Variants in GPR158 observed in about 807,000 individuals in gnomAD.
GPR158 encodes the protein metabotropic glycine receptor.
A neutral mutation model predicts 78.2 loss-of-function variants in GPR158; 30 were observed. That is an observed-to-expected ratio of 0.38 (90% CI 0.29 to 0.52). The LOEUF is 0.52. Among genes scored for constraint, GPR158 ranks in the 20% least tolerant of loss-of-function variants. The probability of loss-of-function intolerance (pLI) is 0.83; values close to 1 mark genes in which losing one functional copy is unlikely to be tolerated. For synonymous variants in GPR158, 581 were observed against 591.1 expected (o/e 0.98, Z 0.25); for missense variants, 1,463 against 1,523.5 (o/e 0.96, Z 0.66).
At chr10:25,516,181 T>A (rs1013860630) in intron 5 of GPR158, among the ~76,000 whole-genome samples, 3 of 152,006 alleles carry the variant, frequency 2.0e-5, no homozygotes, top group African/African-American at 7.3e-5. Flanking sequence ...TTGAGAAGTG[T>A]CTGCTCATGT....
intron 5 of GPR158, among the ~76,000 whole-genome samples, chr10:25,469,735 G>A (rs1260521004): frequency 4.7e-5 from 6 of 126,456 alleles, no homozygotes; most frequent in African/African-American, 1.8e-4. Context: ...AGTGAGCCGA[G>A]ATTGTGCCAC....
At chr10:25,542,944 C>T (rs1836607824) in intron 5 of GPR158, among the ~76,000 whole-genome samples, 1 of 151,738 alleles carries the variant, frequency 6.6e-6, no homozygotes, top group Non-Finnish European at 1.5e-5. Flanking sequence ...AGAGTCCAGG[C>T]AATCAAGCAG....
rs1224270943 is a variant in GPR158 at position 25,491,649 on chromosome 10, A to G, written c.1404+24930A>G. ...TAATTCTTGATGGGTTTTGTATTATAAAAATACTTATTTTAGAAAAATTAG... is the reference window on the plus strand; with the variant it reads ...TAATTCTTGATGGGTTTTGTATTATGAAAATACTTATTTTAGAAAAATTAG... On this transcript the variant is annotated intron_variant, in intron 5 of 10. Transcript: ENST00000376351. Among the ~76,000 whole-genome samples the G allele has an allele frequency of 2.6e-5, 4 of 152,320 alleles. No individual in the cohort carries two copies. In the East Asian group the frequency reaches 7.7e-4, roughly 29 times the overall value.
intron 2 of GPR158, chr10:25,244,935 C>A (rs1159480739): frequency 6.6e-6 from 1 of 151,152 alleles, no homozygotes; most frequent in African/African-American, 2.4e-5. Context: ...GTGCATGTTT[C>A]TTTTGGCAGG....
intron 5 of GPR158, among the ~76,000 whole-genome samples, chr10:25,513,881 A>C (rs1564476019): frequency 6.6e-6 from 1 of 152,120 alleles, no homozygotes; most frequent in Admixed American, 6.6e-5. Flanking sequence ...GGTCAGAGAG[A>C]GTACTTGATA....
At chr10:25,544,339 C>T (rs536125281) in intron 5 of GPR158, among the ~76,000 whole-genome samples, 120 of 151,432 alleles carry the variant, frequency 7.9e-4, no homozygotes, top group Non-Finnish European at 1.3e-3. Context: ...GGCAGTTCTT[C>T]CAGTAAAGGA....
intron 2 of GPR158, among the ~76,000 whole-genome samples, chr10:25,388,179 G>T (rs1473322804): frequency 6.6e-6 from 1 of 152,166 alleles, no homozygotes; most frequent in Non-Finnish European, 1.5e-5. Flanking sequence ...TTCCAATATT[G>T]TAAGCAGCTT....
At chr10:25,530,862 G>C (rs1836414177) in intron 5 of GPR158, among the ~76,000 whole-genome samples, 1 of 152,170 alleles carries the variant, frequency 6.6e-6, no homozygotes, top group Admixed American at 6.5e-5. Flanking sequence ...TCTCTGGTCT[G>C]CTGGAGATGG....
intron 2 of GPR158, among the ~76,000 whole-genome samples, chr10:25,264,004 T>G (rs1401676013): frequency 6.6e-6 from 1 of 152,206 alleles, no homozygotes; most frequent in African/African-American, 2.4e-5. Flanking sequence ...GAGACTTTTT[T>G]TATTGGATCT....
intron 2 of GPR158, among the ~76,000 whole-genome samples, chr10:25,276,636 C>G (rs1471186170): frequency 6.6e-6 from 1 of 152,124 alleles, no homozygotes; most frequent in Non-Finnish European, 1.5e-5. Context: ...AGAGATAAGA[C>G]AAGAGGAACA....
chr10:25,304,745 A>G (rs1183573286), intron 2 of GPR158, among the ~76,000 whole-genome samples: 1 of 152,188 alleles, frequency 6.6e-6, no homozygotes, highest in Non-Finnish European at 1.5e-5. Context: ...TAGTAGGCTA[A>G]TAAGTATCAC....
Position 25,176,394 on chromosome 10 carries a change from G to A in GPR158, c.902+72G>A. 8.5e-7 allele frequency: 1 copy of A among 1,178,784 alleles called. No homozygotes were observed. Among genetic ancestry groups the A allele is most frequent in the Non-Finnish European group, 1.2e-6 (1 of 847,842 alleles). 73.0% of individuals were successfully genotyped at this position (1,178,784 alleles called of 1,614,324 possible). ...CTTCCGGTCTTGTGGGTGGGTGCAC[G>A]TGTGAGGAAGGAACCCTTGGCTGTG... On this transcript the variant is annotated intron_variant, in intron 1 of 10. Transcript: ENST00000376351. This position sits in a 1 kb window ranked among gnomAD's most constrained non-coding sequence, Gnocchi z 6.3.
chr10:25,421,663 T>G (rs1005037422), intron 4 of GPR158, among the ~76,000 whole-genome samples: 1 of 152,210 alleles, frequency 6.6e-6, no homozygotes, highest in African/African-American at 2.4e-5. Context: ...TCTTATTCTA[T>G]TGAACTAATA....
rs1274651234 is a variant in GPR158 at position 25,176,287 on chromosome 10, C to A, written c.867C>A (p.Ile289=). 1.9e-6 allele frequency: 3 copies of A among 1,606,442 alleles called. No individual in the cohort carries two copies. Among genetic ancestry groups the A allele is most frequent in the South Asian group, 1.1e-5 (1 of 89,392 alleles). ...PGWLVTLSSA[I]YGLQPNLVPE... ...GGCTGGTTACTCTTTCCTCTGCCAT[C>A]TACGGGTTGCAGCCTAACCTGGTCC... Residue 289 remains isoleucine, a synonymous_variant, in exon 1 of 11, where the codon ATC becomes ATA. Coordinates refer to ENST00000376351, the MANE Select transcript of GPR158 (RefSeq NM_020752.3). This position sits in a 1 kb window ranked among gnomAD's most constrained non-coding sequence, Gnocchi z 6.3.
intron 2 of GPR158, among the ~76,000 whole-genome samples, chr10:25,384,080 C>T (rs1032411132): frequency 6.6e-6 from 1 of 152,044 alleles, no homozygotes; most frequent in African/African-American, 2.4e-5. Flanking sequence ...ATCTTATTTA[C>T]CCTTACTTTA....
intron 2 of GPR158, among the ~76,000 whole-genome samples, chr10:25,357,433 G>A (rs1855569677): frequency 6.6e-6 from 1 of 152,248 alleles, no homozygotes; most frequent in Admixed American, 6.5e-5. Flanking sequence ...CAGGCCCGGA[G>A]GCCTAGGAGG....
At chr10:25,200,837 T>C (rs1309914821) in intron 1 of GPR158, among the ~76,000 whole-genome samples, 3 of 151,468 alleles carry the variant, frequency 2.0e-5, no homozygotes, top group Admixed American at 6.6e-5. Flanking sequence ...CCTATTCTGT[T>C]CCATAGATCT....
At chr10:25,541,570 A>G (rs1353403117) in intron 5 of GPR158, among the ~76,000 whole-genome samples, 1 of 151,352 alleles carries the variant, frequency 6.6e-6, no homozygotes, top group Non-Finnish European at 1.5e-5. Flanking sequence ...ACTGATTTTT[A>G]TGTATGGTGT....
chr10:25,213,365 T>TA (rs1158216171), intron 1 of GPR158, among the ~76,000 whole-genome samples: 1 of 152,222 alleles, frequency 6.6e-6, no homozygotes, highest in Non-Finnish European at 1.5e-5. Flanking sequence ...TTGAACTTTG[T>TA]AAAATGCCTC....
Sources: gnomAD v4.1 joint callset for allele counts (sites outside exome capture counted in the v4.1 genomes callset) on GRCh38, gnomAD v4.1.1 for gene constraint, Gnocchi (gnomAD v3.1) non-coding constraint, MANE v1.5 for transcripts, NCBI Gene and HGNC (gene_info 2026-07-23, HGNC 2026-07-21) for gene names.